Variants in CABIN1 observed in about 807,000 individuals in gnomAD.
CABIN1 encodes the protein calcineurin binding protein 1.
CABIN1 carries 133 observed loss-of-function variants against 227.7 expected under a neutral mutation model. The observed-to-expected ratio is 0.58, with a 90% confidence interval of 0.51 to 0.67. The LOEUF (loss-of-function observed/expected upper bound fraction) is 0.67. Among genes scored for constraint, CABIN1 ranks in the 30% least tolerant of loss-of-function variants. CABIN1 has a pLI of 0.00. For missense variants in CABIN1, 2,408 were observed against 2,852.5 expected (o/e 0.84, Z 3.55); for synonymous variants, 1,086 against 1,155.1 (o/e 0.94, Z 1.21).
At position 24,136,348 on chromosome 22, in the gene CABIN1, T is replaced by TG. The variant is rs1491264970; in HGVS notation, c.4746+1933_4746+1934insG. ...CCACAGTTTACCTAGCCATCCCTCC[T>TG]TTTTTTTTTTTTTTTTTTTTTTGAG... On this transcript the variant is annotated intron_variant, in intron 29 of 36. Transcript: ENST00000263119. Among the ~76,000 whole-genome samples, 652 of 103,428 alleles carry TG rather than the reference T, an allele frequency of 6.3e-3. 7 individuals carry two copies. Among genetic ancestry groups the TG allele is most frequent in the South Asian group, 0.014 (41 of 3,028 alleles). The allele number at this position is 103,428 out of a possible 152,430, so 67.9% of individuals were successfully genotyped here.
At chr22:24,095,645 G>A (rs1364139334) in intron 24 of CABIN1, among the ~76,000 whole-genome samples, 1 of 152,224 alleles carries the variant, frequency 6.6e-6, no homozygotes. Flanking sequence ...CCAGTGAACG[G>A]AGCTGAAGGG....
intron 29 of CABIN1, among the ~76,000 whole-genome samples, chr22:24,149,249 C>T (rs1336781936): frequency 1.3e-5 from 2 of 152,258 alleles, no homozygotes; most frequent in Non-Finnish European, 2.9e-5. Flanking sequence ...CAATCCTGAC[C>T]TGAGTGGCTT....
chr22:24,133,522 A>G (rs2044206034), intron 28 of CABIN1, among the ~76,000 whole-genome samples: 1 of 152,206 alleles, frequency 6.6e-6, no homozygotes, highest in Non-Finnish European at 1.5e-5. Flanking sequence ...TGGCTGGGAC[A>G]GTGGGTGCCG....
chr22:24,114,995 A>G (rs150343064), intron 27 of CABIN1, among the ~76,000 whole-genome samples: 9 of 152,382 alleles, frequency 5.9e-5, no homozygotes, highest in African/African-American at 1.9e-4. Flanking sequence ...GGCAGTCACT[A>G]TGCAGTCGCC....
chr22:24,070,734 G>C (rs2040023072), intron 16 of CABIN1, 66 bp from the exon 17 acceptor site: 1 of 1,612,030 alleles, frequency 6.2e-7, no homozygotes, highest in South Asian at 1.1e-5. Context: ...AGTTGTCTCT[G>C]CTCAGGCCTT....
At chr22:24,143,181 C>G (rs1298470784) in intron 29 of CABIN1, among the ~76,000 whole-genome samples, 7 of 152,140 alleles carry the variant, frequency 4.6e-5, no homozygotes, top group Admixed American at 3.9e-4. Context: ...GAAGCCCATG[C>G]GTTGTGACTG....
At chr22:24,070,445 G>A (rs749880822) in intron 16 of CABIN1, among the ~76,000 whole-genome samples, 5 of 152,228 alleles carry the variant, frequency 3.3e-5, no homozygotes, top group African/African-American at 7.2e-5. Context: ...GGCACTGGAT[G>A]GGCACAGTGG....
At chr22:24,063,209 T>C (rs2146462386) in intron 14 of CABIN1, 63 bp downstream of exon 14, 2 of 1,540,258 alleles carry the variant, frequency 1.3e-6, no homozygotes, top group Non-Finnish European at 1.8e-6. Flanking sequence ...GGGCAGAAAA[T>C]TGACCATGTT....
intron 29 of CABIN1, among the ~76,000 whole-genome samples, chr22:24,149,807 C>T (rs931424047): frequency 3.9e-5 from 6 of 152,218 alleles, no homozygotes; most frequent in South Asian, 2.1e-4. Flanking sequence ...GGAGAAAGCA[C>T]ACAGCAAGAA....
intron 28 of CABIN1, among the ~76,000 whole-genome samples, chr22:24,122,726 A>T (rs2043492397): frequency 6.6e-6 from 1 of 152,072 alleles, no homozygotes; most frequent in South Asian, 2.1e-4. Context: ...CAAAAACAAA[A>T]AACCAAAATG....
At chr22:24,133,619 A>G (rs1438366375) in intron 28 of CABIN1, among the ~76,000 whole-genome samples, 1 of 152,184 alleles carries the variant, frequency 6.6e-6, no homozygotes, top group Non-Finnish European at 1.5e-5. Flanking sequence ...TTAGGACAGC[A>G]TGGTCCTGAG....
At chr22:24,173,751 T>G (rs1419167464) in intron 34 of CABIN1, among the ~76,000 whole-genome samples, 4 of 152,138 alleles carry the variant, frequency 2.6e-5, no homozygotes, top group African/African-American at 9.7e-5. Flanking sequence ...GGAGAATCGC[T>G]TGAACCCAGG....
chr22:24,070,710 A>C (rs1301660857), intron 16 of CABIN1, 90 bp from the exon 17 acceptor site: 27 of 1,585,722 alleles, frequency 1.7e-5, no homozygotes, highest in Non-Finnish European at 2.3e-5. Flanking sequence ...GCTGCCCCTC[A>C]TCTGTTTTCC....
At chr22:24,111,165 T>G (rs1300228452) in intron 26 of CABIN1, among the ~76,000 whole-genome samples, 1 of 152,214 alleles carries the variant, frequency 6.6e-6, no homozygotes, top group East Asian at 1.9e-4. Flanking sequence ...AGGTTGAAAT[T>G]AAGTCAGAAA....
chr22:24,168,570 A>C, intron 33 of CABIN1, 49 bp downstream of exon 33: 1 of 1,392,682 alleles, frequency 7.2e-7, no homozygotes, highest in Non-Finnish European at 1.0e-6. Flanking sequence ...AGCCTGCTCC[A>C]TATCAAGGCC....
rs757757072 is a variant in CABIN1 at position 24,064,135 on chromosome 22, T to C, written c.1985T>C (p.Ile662Thr). ...GAGGCAGGGGCTGAACGAAGAGACA[T>C]TGTCATCCGGCTGCCCAACCTCCAT... ...QVEAGAERRD[I>T]VIRLPNLHND... is the part of the protein sequence containing the mutation. The change falls in exon 15 of 37, where the codon ATT becomes ACT. Residue 662 changes from isoleucine (I) to threonine (T), a missense_variant. Around this residue, in one of 3 missense-constraint regions of CABIN1, gnomAD observed 1,045 missense variants for 1,168.4 expected, o/e 0.89. Transcript: ENST00000263119. 1 of 1,614,160 alleles carries C rather than the reference T, an allele frequency of 6.2e-7. No homozygotes were observed.
intron 29 of CABIN1, among the ~76,000 whole-genome samples, chr22:24,153,511 T>G (rs1250567391): frequency 6.6e-6 from 1 of 152,184 alleles, no homozygotes; most frequent in Non-Finnish European, 1.5e-5. Flanking sequence ...AGCCTCTGAT[T>G]GTCATAGCAC....
chr22:24,131,166 T>C (rs906963047), intron 28 of CABIN1, among the ~76,000 whole-genome samples: 1 of 152,198 alleles, frequency 6.6e-6, no homozygotes, highest in African/African-American at 2.4e-5. Flanking sequence ...AGGCTTTACT[T>C]TCTTGGTATT....
rs188515609 is a variant in CABIN1, at chr22:24,143,454, C to T, written c.4746+9039C>T. 7.4e-4 allele frequency among the ~76,000 whole-genome samples: 113 copies of T among 152,318 alleles called. 1 individual carries two copies. Among genetic ancestry groups the T allele is most frequent in the African/African-American group, 2.6e-3 (108 of 41,558 alleles). On this transcript the variant is annotated intron_variant, in intron 29 of 36. Transcript: ENST00000263119. ...CACTGTCTGCTAGCCTGAGCCCCCA[C>T]CCCCTTTTGGTGTGGCTCCAACTGG...
Sources: gnomAD v4.1 joint callset for allele counts (sites outside exome capture counted in the v4.1 genomes callset) on GRCh38, gnomAD v4.1.1 for gene constraint, gnomAD v4.1.1 regional missense constraint, MANE v1.5 for transcripts, NCBI Gene and HGNC (gene_info 2026-07-23, HGNC 2026-07-21) for gene names.